Variants in FHIT observed in about 807,000 individuals in gnomAD.
FHIT encodes the protein bis(5'-adenosyl)-triphosphatase.
FHIT carries 19 observed loss-of-function variants against 17.9 expected under a neutral mutation model. The ratio of observed to expected loss-of-function variants is 1.06; its 90% CI spans 0.74 to 1.56. FHIT has a LOEUF of 1.56. FHIT is among the 40% of genes most tolerant of loss of function. The pLI, the probability that FHIT is intolerant of heterozygous loss-of-function variation, is 0.00. For missense variants in FHIT, 248 were observed against 189.2 expected, an observed-to-expected ratio of 1.31 and a Z score of -1.82; for synonymous variants, 81 against 69.7, an observed-to-expected ratio of 1.16 and a Z score of -0.81.
intron 5 of FHIT, among the ~76,000 whole-genome samples, chr3:60,099,914 G>A (rs1169389753): frequency 6.6e-6 from 1 of 152,150 alleles, no homozygotes; most frequent in African/African-American, 2.4e-5. Flanking sequence ...TATTTTTCGT[G>A]AATGAACATC....
At chr3:60,986,024 C>T (rs7373003) in intron 3 of FHIT, among the ~76,000 whole-genome samples, 139,991 of 152,282 alleles carry the variant, frequency 0.92, 64,518 homozygotes, top group East Asian at 1. Flanking sequence ...CCTGTCTCCC[C>T]CTTATAACGA....
At chr3:60,682,933 A>C (rs1338219736) in intron 4 of FHIT, among the ~76,000 whole-genome samples, 1 of 152,152 alleles carries the variant, frequency 6.6e-6, no homozygotes, top group Non-Finnish European at 1.5e-5. Flanking sequence ...TGTTTGGGAG[A>C]AGTTGATTCC....
chr3:60,745,424 G>T (rs782540021), intron 4 of FHIT, among the ~76,000 whole-genome samples: 1 of 152,162 alleles, frequency 6.6e-6, no homozygotes, highest in East Asian at 1.9e-4. Flanking sequence ...ATGGAGAGTT[G>T]GTAGGGACCG....
At chr3:59,818,244 G>A (rs767722907) in intron 8 of FHIT, among the ~76,000 whole-genome samples, 13 of 152,024 alleles carry the variant, frequency 8.6e-5, no homozygotes, top group African/African-American at 4.8e-5. Flanking sequence ...ACCTCCCCTC[G>A]GCCCACGTGG....
intron 5 of FHIT, among the ~76,000 whole-genome samples, chr3:60,092,039 C>A (rs774502731): frequency 6.6e-6 from 1 of 152,192 alleles, no homozygotes; most frequent in Non-Finnish European, 1.5e-5. Flanking sequence ...GGCTCCACTA[C>A]TGGTGAGTCG....
chr3:59,772,119 C>T (rs1195334252), intron 8 of FHIT, among the ~76,000 whole-genome samples: 1 of 152,224 alleles, frequency 6.6e-6, no homozygotes, highest in Non-Finnish European at 1.5e-5. Context: ...CACCCACCTC[C>T]ACCACTGAGG....
intron 4 of FHIT, among the ~76,000 whole-genome samples, chr3:60,573,976 A>G (rs2037478187): frequency 6.6e-6 from 1 of 151,752 alleles, no homozygotes; most frequent in African/African-American, 2.4e-5. Context: ...CACCTGGATA[A>G]TTTTTGTACT....
intron 8 of FHIT, among the ~76,000 whole-genome samples, chr3:59,797,608 A>G (rs1047779529): frequency 6.6e-6 from 1 of 152,216 alleles, no homozygotes; most frequent in Non-Finnish European, 1.5e-5. Context: ...CTCCTGTTTC[A>G]TCACACAGTA....
intron 8 of FHIT, among the ~76,000 whole-genome samples, chr3:59,879,162 A>T (rs899304659): frequency 7.9e-5 from 12 of 152,204 alleles, no homozygotes; most frequent in Non-Finnish European, 1.5e-4. Context: ...TCACACAGAA[A>T]AACTAAATGA....
intron 2 of FHIT, among the ~76,000 whole-genome samples, chr3:61,182,994 T>C (rs532702537): frequency 6.6e-6 from 1 of 152,332 alleles, no homozygotes; most frequent in East Asian, 1.9e-4. Context: ...GTCTCTTCAT[T>C]GTGGCTGACA....
intron 1 of FHIT, among the ~76,000 whole-genome samples, chr3:61,225,339 A>T (rs1357639): frequency 0.045 from 6,826 of 152,208 alleles, 168 homozygotes; most frequent in Admixed American, 0.072. Context: ...AAATATATAT[A>T]TTTTTTTGAA....
chr3:61,009,266 G>C (rs533263547), intron 3 of FHIT, among the ~76,000 whole-genome samples: 1 of 152,174 alleles, frequency 6.6e-6, no homozygotes, highest in African/African-American at 2.4e-5. Flanking sequence ...TTCACTTAGC[G>C]TCAGAAGGCC....
chr3:60,984,468 T>C (rs145320994), intron 3 of FHIT, among the ~76,000 whole-genome samples: 1 of 152,190 alleles, frequency 6.6e-6, no homozygotes, highest in African/African-American at 2.4e-5. Context: ...CATCCAATAC[T>C]TGGCAAGTGA....
chr3:60,704,553 A>G (rs2041325685), intron 4 of FHIT, among the ~76,000 whole-genome samples: 1 of 152,168 alleles, frequency 6.6e-6, no homozygotes, highest in Non-Finnish European at 1.5e-5. Context: ...GATCTAAATG[A>G]CATTTCAAGG....
chr3:60,145,880 G>C (rs1227673243), intron 5 of FHIT, among the ~76,000 whole-genome samples: 1 of 152,014 alleles, frequency 6.6e-6, no homozygotes, highest in Non-Finnish European at 1.5e-5. Flanking sequence ...TGCCAATTAA[G>C]GGCTCCCCAA....
At chr3:61,158,108 A>G (rs9917755) in intron 2 of FHIT, among the ~76,000 whole-genome samples, 59,209 of 152,068 alleles carry the variant, frequency 0.39, 11,886 homozygotes, top group East Asian at 0.59. Context: ...AAAAATAACA[A>G]TAATCATTCA....
chr3:61,178,275 A>C (rs2038218890), intron 2 of FHIT, among the ~76,000 whole-genome samples: 1 of 151,958 alleles, frequency 6.6e-6, no homozygotes, highest in Admixed American at 6.6e-5. Context: ...TGCTACTCTC[A>C]CCCTCATTTT....
chr3:60,431,028 A>G (rs1033388405), intron 5 of FHIT, among the ~76,000 whole-genome samples: 2 of 152,088 alleles, frequency 1.3e-5, no homozygotes, highest in African/African-American at 4.8e-5. Context: ...CCTGGACAAC[A>G]TGGTGAAACC....
intron 3 of FHIT, among the ~76,000 whole-genome samples, chr3:60,951,260 C>CA (rs1708873384): frequency 6.6e-6 from 1 of 152,110 alleles, no homozygotes; most frequent in Admixed American, 6.5e-5. Context: ...ATCCAAGGAA[C>CA]AAAAGCACAG....
Sources: allele counts gnomAD v4.1 joint callset (sites outside exome capture counted in the v4.1 genomes callset), GRCh38; gene constraint gnomAD v4.1.1; transcripts MANE v1.5; gene names NCBI Gene and HGNC (gene_info 2026-07-23, HGNC 2026-07-21).